NKAIN2: variants seen among roughly 807,000 people sequenced by gnomAD.
NKAIN2 encodes the protein sodium/potassium transporting ATPase interacting 2, also known as sodium/potassium-transporting ATPase subunit beta-1-interacting protein 2.
In NKAIN2, 14 loss-of-function variants were observed where a neutral mutation model predicts 32.6. That is an observed-to-expected ratio of 0.43 (90% CI 0.28 to 0.67). NKAIN2 has a LOEUF of 0.67. Ranked by LOEUF, NKAIN2 falls within the 30% of genes least tolerant of loss-of-function variation. The pLI is 0.17. For missense variants in NKAIN2, 198 were observed against 258.3 expected (o/e 0.77, Z 1.60); for synonymous variants, 80 against 87.2 (o/e 0.92, Z 0.46).
At chr6:124,221,716 G>A (rs1791838200) in intron 1 of NKAIN2, among the ~76,000 whole-genome samples, 1 of 152,056 alleles carries the variant, frequency 6.6e-6, no homozygotes, top group African/African-American at 2.4e-5. Context: ...ACATGTAGAG[G>A]CCATAACCAT....
chr6:124,163,186 A>G (rs1310032361), intron 1 of NKAIN2, among the ~76,000 whole-genome samples: 1 of 152,084 alleles, frequency 6.6e-6, no homozygotes, highest in Non-Finnish European at 1.5e-5. Context: ...GCTTCTAAAT[A>G]TAAAGGAAAA....
At chr6:123,972,030 AT>A (rs1489450871) in intron 1 of NKAIN2, among the ~76,000 whole-genome samples, 1 of 152,146 alleles carries the variant, frequency 6.6e-6, no homozygotes, top group Non-Finnish European at 1.5e-5. Context: ...ACCATTCAAC[AT>A]GAAGATGACA....
At chr6:124,734,093 A>ACACACACACAC (rs1554258828) in intron 4 of NKAIN2, among the ~76,000 whole-genome samples, 1 of 149,640 alleles carries the variant, frequency 6.7e-6, no homozygotes, top group Non-Finnish European at 1.5e-5. Context: ...ACACACACAC[A>ACACACACACAC]ATGATGGGGG....
intron 1 of NKAIN2, among the ~76,000 whole-genome samples, chr6:123,876,954 T>C (rs1773196886): frequency 6.6e-6 from 1 of 152,222 alleles, no homozygotes; most frequent in African/African-American, 2.4e-5. Context: ...TTTAAATATA[T>C]AACTTTTTTC....
intron 3 of NKAIN2, among the ~76,000 whole-genome samples, chr6:124,631,895 C>T (rs1030793389): frequency 7.2e-5 from 11 of 152,156 alleles, no homozygotes; most frequent in African/African-American, 2.7e-4. Context: ...CAAATAAAAA[C>T]TCCGAAAGAG....
chr6:123,880,839 G>C (rs1427576291), intron 1 of NKAIN2, among the ~76,000 whole-genome samples: 1 of 152,168 alleles, frequency 6.6e-6, no homozygotes, highest in Non-Finnish European at 1.5e-5. Flanking sequence ...CTATGCAACT[G>C]TAAAAAGCTA....
At chr6:123,995,386 G>T (rs942876494) in intron 1 of NKAIN2, among the ~76,000 whole-genome samples, 46 of 152,196 alleles carry the variant, frequency 3.0e-4, no homozygotes, top group African/African-American at 1.1e-3. Flanking sequence ...AGATAAACTT[G>T]CACATGCTTT....
chr6:123,900,478 T>G (rs1310048270), intron 1 of NKAIN2, among the ~76,000 whole-genome samples: 1 of 115,924 alleles, frequency 8.6e-6, no homozygotes, highest in South Asian at 3.4e-4. Flanking sequence ...TCTCAAAAAA[T>G]AATAATAATA....
At chr6:124,179,680 G>A (rs992248985) in intron 1 of NKAIN2, among the ~76,000 whole-genome samples, 10 of 152,294 alleles carry the variant, frequency 6.6e-5, no homozygotes, top group Middle Eastern at 3.4e-3. Flanking sequence ...ATGGGTAGGC[G>A]CTGGATATTG....
chr6:124,694,142 TAAAC>T (rs1347645672), intron 4 of NKAIN2, among the ~76,000 whole-genome samples: 1 of 152,194 alleles, frequency 6.6e-6, no homozygotes, highest in Admixed American at 6.5e-5. Context: ...AGTATGTAAT[TAAAC>T]AAGTCTATGT....
chr6:124,344,971 G>T (rs1364994425), intron 2 of NKAIN2, among the ~76,000 whole-genome samples: 1 of 152,156 alleles, frequency 6.6e-6, no homozygotes, highest in Non-Finnish European at 1.5e-5. Flanking sequence ...CTGTGGTTTT[G>T]TCATAGATAG....
At chr6:124,704,703 T>C (rs1051285608) in intron 4 of NKAIN2, among the ~76,000 whole-genome samples, 1 of 151,868 alleles carries the variant, frequency 6.6e-6, no homozygotes, top group Non-Finnish European at 1.5e-5. Context: ...GTTTGCATTA[T>C]CCTAACACCA....
intron 2 of NKAIN2, among the ~76,000 whole-genome samples, chr6:124,323,678 C>G (rs1054186538): frequency 1.3e-5 from 2 of 151,682 alleles, no homozygotes; most frequent in African/African-American, 4.9e-5. Flanking sequence ...ACCACACTAT[C>G]TTGATTACAA....
At chr6:124,581,890 A>G (rs1319728411) in intron 3 of NKAIN2, among the ~76,000 whole-genome samples, 1 of 152,202 alleles carries the variant, frequency 6.6e-6, no homozygotes, top group East Asian at 1.9e-4. Context: ...GAAAGTTTAT[A>G]GCTATACGTG....
At chr6:124,508,335 C>CT (rs71702410) in intron 3 of NKAIN2, among the ~76,000 whole-genome samples, 38,864 of 148,904 alleles carry the variant, frequency 0.26, 5,840 homozygotes, top group Middle Eastern at 0.4. Flanking sequence ...TTGTATTAGT[C>CT]TTTTTTTTTT....
chr6:124,021,213 AT>A (rs750307255), intron 1 of NKAIN2, among the ~76,000 whole-genome samples: 4,789 of 152,140 alleles, frequency 0.031, 142 homozygotes, highest in Non-Finnish European at 0.045. Context: ...AAAAAGTTTG[AT>A]TAGTGGGTGC....
intron 4 of NKAIN2, among the ~76,000 whole-genome samples, chr6:124,674,164 T>C (rs1424664638): frequency 1.3e-5 from 2 of 152,056 alleles, no homozygotes; most frequent in Non-Finnish European, 2.9e-5. Flanking sequence ...TGACTGTATA[T>C]GCATAGGCTT....
intron 3 of NKAIN2, among the ~76,000 whole-genome samples, chr6:124,590,793 A>G (rs745516532): frequency 5.9e-5 from 9 of 152,350 alleles, no homozygotes; most frequent in Non-Finnish European, 1.3e-4. Context: ...AAGGAAGTAT[A>G]TGGCAACTGG....
rs202046129 is a variant in NKAIN2 at position 124,586,604 on chromosome 6, GA to G, written c.274-71579del. 4.6e-3 allele frequency among the ~76,000 whole-genome samples: 667 copies of G among 144,852 alleles called. 6 individuals are homozygous for G. The highest frequency in any genetic ancestry group is 0.016 in the African/African-American group (620 of 39,066). ...CCTTCTGAACCTAAAATAAAAGTTG[GA>G]AAGAAAAAAAAAAAACAGTTTGAGA... On this transcript the variant is annotated intron_variant, in intron 3 of 6. Coordinates refer to ENST00000368417, the MANE Select transcript of NKAIN2 (RefSeq NM_001040214.3).
Sources: allele counts gnomAD v4.1 joint callset (sites outside exome capture counted in the v4.1 genomes callset), GRCh38; gene constraint gnomAD v4.1.1; transcripts MANE v1.5; gene names NCBI Gene and HGNC (gene_info 2026-07-23, HGNC 2026-07-21).